Variants in MYO9A observed in about 807,000 individuals in gnomAD.
The protein encoded by MYO9A is myosin IXA.
A neutral mutation model predicts 293.3 loss-of-function variants in MYO9A; 103 were observed. The observed-to-expected ratio is 0.35, with a 90% confidence interval of 0.30 to 0.41. MYO9A has a LOEUF of 0.41. MYO9A is among the 10% of genes least tolerant of loss of function. The pLI is 1.00. For synonymous variants in MYO9A, 1,001 were observed against 1,035.7 expected (o/e 0.97, Z 0.64); for missense variants, 2,685 against 3,033.0 (o/e 0.89, Z 2.69).
chr15:71,911,974 T>G (rs2057865948), intron 19 of MYO9A, among the ~76,000 whole-genome samples: 1 of 152,124 alleles, frequency 6.6e-6, no homozygotes, highest in South Asian at 2.1e-4. Context: ...TCTTTTTCCT[T>G]TTTTTTATTG....
At chr15:72,083,395 G>A (rs2079613594) in intron 1 of MYO9A, among the ~76,000 whole-genome samples, 1 of 151,914 alleles carries the variant, frequency 6.6e-6, no homozygotes, top group Admixed American at 6.6e-5. Context: ...GTGTTTATTT[G>A]GACCTTCTCC....
chr15:71,928,763 G>T (rs919981144), intron 18 of MYO9A, among the ~76,000 whole-genome samples: 1 of 151,934 alleles, frequency 6.6e-6, no homozygotes, highest in Admixed American at 6.6e-5. Context: ...TTTATAAAAT[G>T]CTACTGATTT....
At chr15:71,918,054 A>T (rs1462395868) in intron 18 of MYO9A, among the ~76,000 whole-genome samples, 1 of 152,200 alleles carries the variant, frequency 6.6e-6, no homozygotes, top group Non-Finnish European at 1.5e-5. Flanking sequence ...TGACAAGGCA[A>T]TTCTCAAAGT....
At chr15:72,101,228 G>A (rs1447182980) in intron 1 of MYO9A, among the ~76,000 whole-genome samples, 27 of 126,470 alleles carry the variant, frequency 2.1e-4, no homozygotes, top group East Asian at 2.6e-4. Context: ...CAGCCGCCCC[G>A]TCCGGGAGGG....
chr15:71,951,178 C>T (rs1203652462), intron 15 of MYO9A, among the ~76,000 whole-genome samples: 1 of 152,160 alleles, frequency 6.6e-6, no homozygotes, highest in African/African-American at 2.4e-5. Flanking sequence ...CTGGCTGAAG[C>T]ACTGCAATCA....
chr15:72,038,662 A>G (rs1200203895), intron 2 of MYO9A, among the ~76,000 whole-genome samples: 1 of 152,228 alleles, frequency 6.6e-6, no homozygotes, highest in Non-Finnish European at 1.5e-5. Flanking sequence ...GGAAACAGCC[A>G]TCTTAGACTA....
At chr15:72,112,806 G>A (rs1323289495) in intron 1 of MYO9A, among the ~76,000 whole-genome samples, 1 of 152,204 alleles carries the variant, frequency 6.6e-6, no homozygotes, top group African/African-American at 2.4e-5. Context: ...GCATGAGGCA[G>A]CTTGTAGAGT....
At chr15:71,850,276 C>CTA in intron 37 of MYO9A, 109 bp from the exon 38 acceptor site, 1 of 1,264,752 alleles carries the variant, frequency 7.9e-7, no homozygotes, top group Non-Finnish European at 1.1e-6. Context: ...ACATGAACTG[C>CTA]ATAGTACTAG....
chr15:72,055,816 T>C (rs1020855889), intron 1 of MYO9A, among the ~76,000 whole-genome samples: 1 of 152,102 alleles, frequency 6.6e-6, no homozygotes, highest in Admixed American at 6.6e-5. Flanking sequence ...AAATAATAGA[T>C]GCTGGCAGGG....
intron 2 of MYO9A, chr15:72,041,644 C>T (rs548981547): frequency 9.9e-4 from 235 of 236,536 alleles, no homozygotes; most frequent in African/African-American, 4.9e-3. Context: ...AAATCAATTT[C>T]GTACACCATG....
intron 4 of MYO9A, among the ~76,000 whole-genome samples, chr15:72,021,490 C>G (rs1477798623): frequency 6.6e-6 from 1 of 152,168 alleles, no homozygotes; most frequent in Non-Finnish European, 1.5e-5. Context: ...CCAGAAAGGT[C>G]AGAACAGAGT....
At chr15:72,048,209 G>C (rs2078448882) in intron 1 of MYO9A, among the ~76,000 whole-genome samples, 1 of 151,834 alleles carries the variant, frequency 6.6e-6, no homozygotes, top group Middle Eastern at 3.4e-3. Context: ...AGATCAGCCT[G>C]GCCAACATGG....
At chr15:72,019,124 A>T (rs2077425531) in intron 5 of MYO9A, 29 bp from the exon 6 acceptor site, 2 of 1,574,592 alleles carry the variant, frequency 1.3e-6, no homozygotes, top group East Asian at 4.5e-5. Flanking sequence ...AGTTAGGTAG[A>T]AGTAATGGTT....
intron 39 of MYO9A, among the ~76,000 whole-genome samples, chr15:71,842,058 T>C (rs1198570530): frequency 2.6e-5 from 4 of 152,134 alleles, no homozygotes; most frequent in Non-Finnish European, 4.4e-5. Flanking sequence ...ACAAGCATAA[T>C]TCTTAATGGT....
At chr15:71,834,264 T>C (rs1404615750) in intron 39 of MYO9A, among the ~76,000 whole-genome samples, 1 of 152,038 alleles carries the variant, frequency 6.6e-6, no homozygotes, top group African/African-American at 2.4e-5. Context: ...ATCTAATTAA[T>C]ACCATCAATG....
At chr15:72,030,881 AG>A (rs1007251841) in intron 3 of MYO9A, among the ~76,000 whole-genome samples, 1 of 152,156 alleles carries the variant, frequency 6.6e-6, no homozygotes, top group Non-Finnish European at 1.5e-5. Flanking sequence ...CACAGAAGAC[AG>A]GGGGCCCCAA....
chr15:72,060,706 T>C (rs1484903824), intron 1 of MYO9A, among the ~76,000 whole-genome samples: 4 of 152,176 alleles, frequency 2.6e-5, no homozygotes, highest in Non-Finnish European at 5.9e-5. Flanking sequence ...TGGCTAGCCC[T>C]ACCATGGCAA....
chr15:71,873,870 A>T (rs2056599722), intron 32 of MYO9A, among the ~76,000 whole-genome samples: 2 of 152,202 alleles, frequency 1.3e-5, no homozygotes, highest in South Asian at 2.1e-4. Flanking sequence ...AAGTGCCTAA[A>T]CATATCTGTT....
intron 1 of MYO9A, among the ~76,000 whole-genome samples, chr15:72,071,557 A>G (rs2079191104): frequency 6.6e-6 from 1 of 152,172 alleles, no homozygotes; most frequent in Non-Finnish European, 1.5e-5. Flanking sequence ...CCTGGCCAAC[A>G]TGGTGAAACC....
Sources: gnomAD v4.1 joint callset for allele counts (sites outside exome capture counted in the v4.1 genomes callset) on GRCh38, gnomAD v4.1.1 for gene constraint, MANE v1.5 for transcripts, NCBI Gene and HGNC (gene_info 2026-07-23, HGNC 2026-07-21) for gene names.